Variants in MPP3 observed in about 807,000 individuals in gnomAD.
MPP3 encodes MAGUK p55 scaffold protein 3.
A neutral mutation model predicts 80.7 loss-of-function variants in MPP3; 48 were observed. That is an observed-to-expected ratio of 0.59 (90% CI 0.47 to 0.76). MPP3 has a LOEUF of 0.76. Ranked by LOEUF, MPP3 falls within the 30% of genes least tolerant of loss-of-function variation. The pLI is 0.00. For missense variants in MPP3, 620 were observed against 763.0 expected, an observed-to-expected ratio of 0.81 and a Z score of 2.21; for synonymous variants, 311 against 297.6, an observed-to-expected ratio of 1.04 and a Z score of -0.46.
intron 19 of MPP3, among the ~76,000 whole-genome samples, chr17:43,807,974 G>C (rs1004228160): frequency 1.3e-5 from 2 of 151,480 alleles, no homozygotes; most frequent in African/African-American, 2.4e-5. Context: ...AAAATAAAAG[G>C]CTGGGCACAG....
At chr17:43,816,198 G>A in intron 13 of MPP3, 119 bp from the exon 14 acceptor site, 1 of 840,496 alleles carries the variant, frequency 1.2e-6, no homozygotes. Flanking sequence ...CTCGTGGGGA[G>A]CTCAGGGGAA....
chr17:43,820,914 C>T lies in MPP3; in HGVS notation c.829G>A (p.Gly277Arg), dbSNP rs769000009. 6.8e-6 allele frequency: 11 copies of T among 1,614,010 alleles called. No individual in the cohort carries two copies. Among genetic ancestry groups the T allele is most frequent in the Middle Eastern group, 1.6e-4 (1 of 6,082 alleles). The change falls in exon 11 of 20, where the codon GGG (glycine) becomes AGG (arginine). Residue 277 changes from glycine to arginine, a missense_variant. Coordinates refer to ENST00000398389, the MANE Select transcript of MPP3 (RefSeq NM_001932.6). ...DPTWWQAKRV[G>R]DTNLRAGLIP... ...AGGCCGGCTCGAAGGTTGGTGTCCC[C>T]GACTCGCTTGGCCTGCCACCACGTG...
intron 19 of MPP3, among the ~76,000 whole-genome samples, chr17:43,803,336 A>G (rs1373999023): frequency 1.3e-5 from 2 of 152,236 alleles, no homozygotes; most frequent in Non-Finnish European, 2.9e-5. Flanking sequence ...GCATCTGGAA[A>G]GAACTTAAGT....
intron 9 of MPP3, 195 bp downstream of exon 9, chr17:43,825,561 G>A (rs926967264): frequency 1.1e-5 from 6 of 559,222 alleles, no homozygotes; most frequent in African/African-American, 3.8e-5. Flanking sequence ...GAGGCAGATG[G>A]AAGGGAAGTT....
chr17:43,830,193 C>T, intron 5 of MPP3, 86 bp from the exon 6 acceptor site: 1 of 972,766 alleles, frequency 1.0e-6, no homozygotes, highest in Middle Eastern at 3.0e-4. Context: ...GAAGGGCCCA[C>T]CCAGCTGCAG....
At chr17:43,817,301 C>A (rs1241930934) in intron 12 of MPP3, among the ~76,000 whole-genome samples, 7 of 152,168 alleles carry the variant, frequency 4.6e-5, no homozygotes, top group Non-Finnish European at 8.8e-5. Context: ...GCTCACTTAA[C>A]CTTGTGACCC....
intron 11 of MPP3, chr17:43,819,058 C>T (rs1333226933): frequency 6.6e-6 from 1 of 152,204 alleles, no homozygotes; most frequent in Non-Finnish European, 1.5e-5. Flanking sequence ...GCTTCGTTCT[C>T]AGACTTCGGC....
Position 43,801,799 on chromosome 17 carries a change from CCAG to C in MPP3, c.1657_1659del (p.Leu553del). 6.2e-7 allele frequency: 1 copy of C among 1,614,172 alleles called. No individual in the cohort carries two copies. The highest frequency in any genetic ancestry group is 8.5e-7 in the Non-Finnish European group (1 of 1,180,034). ...TAGGCACCCTGGAGATCCTCCTTCA[CCAG>C]CACGGCGTCTACCAGGTGCCCGTAA... On this transcript the variant is annotated inframe_deletion, in exon 20 of 20. Coordinates refer to ENST00000398389, the MANE Select transcript of MPP3 (RefSeq NM_001932.6).
Position 43,829,811 on chromosome 17 carries a change from AAAGG to A in MPP3, c.304-24_304-21del. 2 of 1,609,660 alleles carry A rather than the reference AAAGG, an allele frequency of 1.2e-6. No homozygotes were observed. Among genetic ancestry groups the A allele is most frequent in the East Asian group, 2.2e-5 (1 of 44,878 alleles). Reference sequence around the variant, plus strand: ...CACAGCCTGCCGGGAAAGCCAGAGAAAAGGAAGGCTGGCCCGCCGCTCACAGGGT... The same window carrying A: ...CACAGCCTGCCGGGAAAGCCAGAGAAAAGGCTGGCCCGCCGCTCACAGGGT... On this transcript the variant is annotated intron_variant, in intron 6 of 19. Transcript: ENST00000398389.
chr17:43,807,792 T>C, intron 19 of MPP3, among the ~76,000 whole-genome samples: 1 of 151,512 alleles, frequency 6.6e-6, no homozygotes, highest in South Asian at 2.1e-4. Flanking sequence ...CCTGTCTCTA[T>C]AAAAAAATTT....
chr17:43,823,948 G>C lies in MPP3; in HGVS notation c.667C>G (p.Arg223Gly), dbSNP rs199616643. 6.2e-7 allele frequency: 1 copy of C among 1,611,056 alleles called. No homozygotes were observed. Among genetic ancestry groups the C allele is most frequent in the Non-Finnish European group, 8.5e-7 (1 of 1,178,776 alleles). ...CCCCATACCTTGCTCTCCTTTAAGC[G>C]ATCTTCCTCCTGGGTGGCTGGGATG... ...KIIPATQEEDRLKESKVFMRA... is the reference protein window; with the variant it reads ...KIIPATQEEDGLKESKVFMRA... The change falls in exon 10 of 20, where the codon CGC becomes GGC. Residue 223 changes from arginine to glycine, a missense_variant. Physicochemically the swap from Arg to Gly is moderately radical, Grantham distance 125. Coordinates refer to ENST00000398389, the MANE Select transcript of MPP3 (RefSeq NM_001932.6).
intron 16 of MPP3, chr17:43,811,629 C>T (rs55768269): frequency 0.16 from 24,959 of 159,486 alleles, 2,401 homozygotes; most frequent in Non-Finnish European, 0.21. Context: ...GAGTTTTGCT[C>T]GTTCCCCAGG....
Position 43,829,656 on chromosome 17 carries a change from G to A in MPP3, c.439C>T (p.Leu147=). ...IVRLVKNKEP[L]GATIRRDEHS... ...GAGGGGCAGGCAGCAGCACCTACCA[G>A]GGGTTCCTTGTTCTTCACCAAGCGG... Residue 147 remains leucine, a splice_region_variant and synonymous_variant, in exon 7 of 20, where the codon CTG becomes TTG. Coordinates refer to ENST00000398389, the MANE Select transcript of MPP3 (RefSeq NM_001932.6). 1 of 1,613,764 alleles carries A rather than the reference G, an allele frequency of 6.2e-7. No homozygotes were observed. Among genetic ancestry groups the A allele is most frequent in the Non-Finnish European group, 8.5e-7 (1 of 1,179,996 alleles).
At chr17:43,810,040 A>G (rs1415620088) in intron 18 of MPP3, among the ~76,000 whole-genome samples, 1 of 152,204 alleles carries the variant, frequency 6.6e-6, no homozygotes, top group Admixed American at 6.5e-5. Context: ...TTTGAAACTC[A>G]GACTTTTAAT....
intron 19 of MPP3, among the ~76,000 whole-genome samples, chr17:43,807,636 T>C (rs2044675105): frequency 6.6e-6 from 1 of 151,944 alleles, no homozygotes; most frequent in African/African-American, 2.4e-5. Flanking sequence ...GAATTTCTAA[T>C]GTTCCTTGTA....
chr17:43,805,041 C>T (rs955183756), intron 19 of MPP3, among the ~76,000 whole-genome samples: 37 of 152,070 alleles, frequency 2.4e-4, no homozygotes, highest in African/African-American at 8.4e-4. Context: ...AGTGAAAAGA[C>T]AACTCAGAAT....
intron 10 of MPP3, among the ~76,000 whole-genome samples, chr17:43,821,721 A>G (rs574675765): frequency 1.2e-4 from 18 of 152,334 alleles, no homozygotes; most frequent in Middle Eastern, 3.4e-3. Context: ...TCGATAATTT[A>G]GTGGCATGGA....
intron 6 of MPP3, 23 bp from the exon 7 acceptor site, chr17:43,829,814 G>A: frequency 6.2e-7 from 1 of 1,606,760 alleles, no homozygotes; most frequent in Non-Finnish European, 8.5e-7. Flanking sequence ...CCAGAGAAAA[G>A]GAAGGCTGGC....
At chr17:43,806,350 G>A (rs2044615074) in intron 19 of MPP3, among the ~76,000 whole-genome samples, 1 of 151,778 alleles carries the variant, frequency 6.6e-6, no homozygotes, top group Non-Finnish European at 1.5e-5. Context: ...ATTTTTAGTA[G>A]AGACGGGGTT....
Sources: allele counts gnomAD v4.1 joint callset (sites outside exome capture counted in the v4.1 genomes callset), GRCh38; gene constraint gnomAD v4.1.1; transcripts MANE v1.5; gene names NCBI Gene and HGNC (gene_info 2026-07-23, HGNC 2026-07-21).